The following CARNMT1 variants were observed in gnomAD, a reference collection of about 807,000 sequenced individuals.
CARNMT1 encodes protein-L-histidine N-pros-methyltransferase CARNMT1.
A neutral mutation model predicts 49.6 loss-of-function variants in CARNMT1; 28 were observed. The observed-to-expected ratio is 0.56, with a 90% CI of 0.42 to 0.77. The LOEUF (loss-of-function observed/expected upper bound fraction) is 0.77. CARNMT1 is among the 30% of genes least tolerant of loss of function. CARNMT1 has a pLI of 0.00. For missense variants in CARNMT1, 421 were observed against 512.6 expected (o/e 0.82, Z 1.73); for synonymous variants, 178 against 175.0 (o/e 1.02, Z -0.13).
chr9:74,989,321 C>T (rs149099010), intron 6 of CARNMT1, among the ~76,000 whole-genome samples: 1 of 152,078 alleles, frequency 6.6e-6, no homozygotes, highest in African/African-American at 2.4e-5. Context: ...TGCTGTGTTG[C>T]CCAGGCTGGT....
intron 3 of CARNMT1, among the ~76,000 whole-genome samples, chr9:75,002,783 C>G (rs1381480774): frequency 1.3e-5 from 2 of 152,274 alleles, no homozygotes; most frequent in East Asian, 3.9e-4. Flanking sequence ...CTCTGTTGCC[C>G]AGGCTGGAGT....
At chr9:74,984,033 T>G (rs757608908) in intron 7 of CARNMT1, among the ~76,000 whole-genome samples, 165 bp from the exon 8 acceptor site, 2 of 152,180 alleles carry the variant, frequency 1.3e-5, no homozygotes, top group Non-Finnish European at 2.9e-5. Flanking sequence ...GTAGTCTCAC[T>G]TTACAAAGAA....
chr9:75,007,942 C>A lies in CARNMT1; in HGVS notation c.591-8072G>T, dbSNP rs1476960522. Among the ~76,000 whole-genome samples the A allele has an allele frequency of 2.0e-5, 3 of 151,708 alleles. No individual in the cohort carries two copies. In the East Asian group the frequency reaches 5.8e-4, roughly 29 times the overall value. On this transcript the variant is annotated intron_variant, in intron 3 of 7. Coordinates refer to ENST00000376834, the MANE Select transcript of CARNMT1 (RefSeq NM_152420.3). The stretch of plus-strand genomic sequence containing the variant: ...GATCCACAAAGTATCCCTAAGAAAG[C>A]TAACAGAGCTAATAAAGCAAGATTG...
intron 3 of CARNMT1, among the ~76,000 whole-genome samples, chr9:75,010,665 A>G (rs1833664713): frequency 6.6e-6 from 1 of 152,246 alleles, no homozygotes; most frequent in Non-Finnish European, 1.5e-5. Context: ...GAAGAGACAT[A>G]GCAAAGAATT....
intron 1 of CARNMT1, among the ~76,000 whole-genome samples, chr9:75,026,570 C>T (rs1334004899): frequency 6.6e-6 from 1 of 152,190 alleles, no homozygotes; most frequent in Non-Finnish European, 1.5e-5. Context: ...TGACGCCTTG[C>T]TCCCTCTGTT....
intron 6 of CARNMT1, chr9:74,991,062 A>G (rs982133488): frequency 1.3e-5 from 2 of 152,216 alleles, no homozygotes; most frequent in East Asian, 3.8e-4. Flanking sequence ...ATAAGCTCAT[A>G]TAGTGATATT....
At chr9:75,016,570 T>G in intron 2 of CARNMT1, 139 bp from the exon 3 acceptor site, 2 of 709,998 alleles carry the variant, frequency 2.8e-6, no homozygotes, top group Non-Finnish European at 2.3e-6. Context: ...GGGGTTCAAG[T>G]GCAGCTTGAG....
chr9:74,991,975 T>C (rs1485514093), intron 6 of CARNMT1, among the ~76,000 whole-genome samples: 1 of 151,992 alleles, frequency 6.6e-6, no homozygotes, highest in Non-Finnish European at 1.5e-5. Flanking sequence ...GGGAATCTCG[T>C]TTTAAAAAAT....
chr9:75,002,755 A>T (rs199652063), intron 3 of CARNMT1, among the ~76,000 whole-genome samples: 37 of 152,064 alleles, frequency 2.4e-4, no homozygotes, highest in East Asian at 1.7e-3. Context: ...TCTTTTTTTT[A>T]AATTTGAGAC....
In CARNMT1 at chr9:74,981,771, G is replaced by C. The variant is rs1383195749; in HGVS notation, c.*1996C>G. On this transcript the variant is annotated 3_prime_UTR_variant, in exon 8 of 8. Coordinates refer to ENST00000376834, the MANE Select transcript of CARNMT1 (RefSeq NM_152420.3). ...AAGATCATTTGTTTTGATACAAGTTGTAAAAAAGTGAATACTAGTCAGTGA... is the reference window on the plus strand; with the variant it reads ...AAGATCATTTGTTTTGATACAAGTTCTAAAAAAGTGAATACTAGTCAGTGA... 1 of 152,048 alleles carries C rather than the reference G, an allele frequency of 6.6e-6. No individual in the cohort carries two copies. Among genetic ancestry groups the C allele is most frequent in the Non-Finnish European group, 1.5e-5 (1 of 67,972 alleles). 9.4% of individuals were successfully genotyped at this position (152,048 alleles called of 1,614,324 possible).
chr9:74,983,939 ATATGTAT>A, intron 7 of CARNMT1, 71 bp from the exon 8 acceptor site: 1 of 1,008,936 alleles, frequency 9.9e-7, no homozygotes, highest in Non-Finnish European at 1.4e-6. Flanking sequence ...TTCTGAGCAC[ATATGTAT>A]CAGTGGCAGG....
rs1041494251 is a variant in CARNMT1, at chr9:74,980,864, G to T, written c.*2903C>A. On this transcript the variant is annotated 3_prime_UTR_variant, in exon 8 of 8. Coordinates refer to ENST00000376834, the MANE Select transcript of CARNMT1 (RefSeq NM_152420.3). Reference sequence around the variant, plus strand: ...ACAAAGTGAAAATAGTTAGTATAAGGCCTGGCATATTATAAGGCGAAGTAT... The same window carrying T: ...ACAAAGTGAAAATAGTTAGTATAAGTCCTGGCATATTATAAGGCGAAGTAT... Among the ~76,000 whole-genome samples, 7 of 151,956 alleles carry T rather than the reference G, an allele frequency of 4.6e-5. No homozygotes were observed. Among genetic ancestry groups the T allele is most frequent in the African/African-American group, 1.7e-4 (7 of 41,360 alleles).
At chr9:74,987,142 T>G (rs1234362510) in intron 6 of CARNMT1, among the ~76,000 whole-genome samples, 1 of 152,204 alleles carries the variant, frequency 6.6e-6, no homozygotes, top group Non-Finnish European at 1.5e-5. Flanking sequence ...AAGTTTTCAC[T>G]CACAATTGCA....
chr9:75,016,480 A>ATCT (rs1175010336), intron 2 of CARNMT1, 49 bp from the exon 3 acceptor site: 2 of 1,578,356 alleles, frequency 1.3e-6, no homozygotes, highest in South Asian at 2.2e-5. Context: ...TAATCCACTT[A>ATCT]TATTATGGTT....
At chr9:74,993,018 T>C (rs1273895864) in intron 6 of CARNMT1, among the ~76,000 whole-genome samples, 1 of 152,218 alleles carries the variant, frequency 6.6e-6, no homozygotes, top group Non-Finnish European at 1.5e-5. Flanking sequence ...CTTCGAGACA[T>C]CTTAGTATGT....
chr9:75,014,989 G>C (rs922417415), intron 3 of CARNMT1, among the ~76,000 whole-genome samples: 1 of 152,110 alleles, frequency 6.6e-6, no homozygotes, highest in African/African-American at 2.4e-5. Context: ...AGGAGGAAAA[G>C]GAGCCTCTCT....
At chr9:75,021,518 C>G (rs964218197) in intron 1 of CARNMT1, among the ~76,000 whole-genome samples, 3 of 148,352 alleles carry the variant, frequency 2.0e-5, no homozygotes, top group Admixed American at 6.7e-5. Flanking sequence ...AGGTATATCT[C>G]ATTTATATTA....
intron 1 of CARNMT1, among the ~76,000 whole-genome samples, chr9:75,025,588 C>T (rs1328795672): frequency 6.6e-6 from 1 of 152,148 alleles, no homozygotes; most frequent in Non-Finnish European, 1.5e-5. Flanking sequence ...CATATGCATT[C>T]ATGGCATAAT....
rs1216446562 is a variant in CARNMT1, at chr9:74,981,628, C to T, written c.*2139G>A. 6.6e-6 allele frequency: 1 copy of T among 151,946 alleles called. No homozygotes were observed. The highest frequency in any genetic ancestry group is 1.5e-5 in the Non-Finnish European group (1 of 67,950). The allele number at this position is 151,946 out of a possible 1,614,324, so 9.4% of individuals were successfully genotyped here. ...ATGAAGTAACTGATTTCAGAATTAA[C>T]TAAAACATATGCTATAATTTAGAAA... On this transcript the variant is annotated 3_prime_UTR_variant, in exon 8 of 8. Coordinates refer to ENST00000376834, the MANE Select transcript of CARNMT1 (RefSeq NM_152420.3).
Sources: allele counts gnomAD v4.1 joint callset (sites outside exome capture counted in the v4.1 genomes callset), GRCh38; gene constraint gnomAD v4.1.1; transcripts MANE v1.5; gene names NCBI Gene and HGNC (gene_info 2026-07-23, HGNC 2026-07-21).